Variants in CDK19 observed in about 807,000 individuals in gnomAD.
CDK19 encodes cyclin dependent kinase 19, also known as cyclin-dependent kinase 19.
A neutral mutation model predicts 68.3 loss-of-function variants in CDK19; 20 were observed. The observed-to-expected ratio is 0.29, with a 90% CI of 0.21 to 0.43. The LOEUF (loss-of-function observed/expected upper bound fraction) is 0.43, where lower values mean the gene tolerates loss of function less well. Ranked by LOEUF, CDK19 falls within the 20% of genes least tolerant of loss-of-function variation. CDK19 has a pLI of 1.00. For synonymous variants in CDK19, 221 were observed against 222.8 expected (o/e 0.99, Z 0.07); for missense variants, 339 against 623.5 (o/e 0.54, Z 4.86).
chr6:110,728,210 C>A (rs1216900951), intron 2 of CDK19, among the ~76,000 whole-genome samples: 2 of 151,554 alleles, frequency 1.3e-5, no homozygotes, highest in Non-Finnish European at 2.9e-5. Context: ...ATTGCTTGAA[C>A]CTGGGAAGCG....
At chr6:110,652,866 A>G (rs1156458091) in intron 4 of CDK19, among the ~76,000 whole-genome samples, 1 of 152,198 alleles carries the variant, frequency 6.6e-6, no homozygotes, top group Non-Finnish European at 1.5e-5. Context: ...CTCTCCATGT[A>G]AAGTCTGAGA....
chr6:110,796,744 C>G (rs1244343444), intron 1 of CDK19, among the ~76,000 whole-genome samples: 1 of 151,684 alleles, frequency 6.6e-6, no homozygotes, highest in East Asian at 2.0e-4. Flanking sequence ...CACGGTGACT[C>G]ACGCCTGTAA....
intron 2 of CDK19, among the ~76,000 whole-genome samples, chr6:110,699,424 CAAAAAAA>C (rs34728164): frequency 2.1e-5 from 2 of 93,756 alleles, no homozygotes; most frequent in Non-Finnish European, 4.2e-5. Context: ...GACTTCGTCT[CAAAAAAA>C]AAAAAAAAAA....
intron 2 of CDK19, among the ~76,000 whole-genome samples, chr6:110,695,821 A>T (rs1007722413): frequency 1.3e-5 from 2 of 152,088 alleles, no homozygotes; most frequent in Admixed American, 1.3e-4. Context: ...TGAACAGACC[A>T]ATAACAAGTA....
intron 1 of CDK19, among the ~76,000 whole-genome samples, chr6:110,798,112 T>C (rs947407471): frequency 6.6e-6 from 1 of 152,002 alleles, no homozygotes; most frequent in Non-Finnish European, 1.5e-5. Flanking sequence ...ATGAGTCAGA[T>C]GTACCGTACT....
intron 8 of CDK19, 26 bp from the exon 9 acceptor site, chr6:110,623,388 T>G: frequency 6.2e-7 from 1 of 1,606,752 alleles, no homozygotes; most frequent in Non-Finnish European, 8.5e-7. Flanking sequence ...CAGTCACACA[T>G]CACTGGGAAC....
chr6:110,813,041 G>A (rs1000068626), intron 1 of CDK19: 3 of 142,752 alleles, frequency 2.1e-5, no homozygotes, highest in Non-Finnish European at 3.0e-5. Context: ...TTCAGATCCT[G>A]AGAGGTTTTT....
In CDK19 at chr6:110,632,770, C is replaced by A. The variant is rs563197317; in HGVS notation, c.515-609G>T. 2.0e-5 allele frequency among the ~76,000 whole-genome samples: 3 copies of A among 152,238 alleles called. No homozygotes were observed. The South Asian group carries it at 6.2e-4, about 32-fold the overall frequency. ...AGATATTCTGATTTGCCTAAGGTCA[C>A]ACAGCTAGTAAGTGCAGAGGCAGAA... On this transcript the variant is annotated intron_variant, in intron 5 of 12. Transcript: ENST00000368911.
At chr6:110,727,270 C>A (rs1036645424) in intron 2 of CDK19, among the ~76,000 whole-genome samples, 1 of 151,984 alleles carries the variant, frequency 6.6e-6, no homozygotes, top group Admixed American at 6.6e-5. Flanking sequence ...TCACTAACTA[C>A]CTATTTTTCC....
intron 7 of CDK19, 51 bp from the exon 8 acceptor site, chr6:110,626,896 T>C (rs12203400): frequency 0.082 from 113,076 of 1,380,522 alleles, 5,240 homozygotes; most frequent in Middle Eastern, 0.13. Flanking sequence ...TAATTTAAAA[T>C]CTCCTAATTA....
chr6:110,672,143 G>A (rs1341984821), intron 2 of CDK19, among the ~76,000 whole-genome samples: 2 of 152,120 alleles, frequency 1.3e-5, no homozygotes, highest in African/African-American at 4.8e-5. Flanking sequence ...CACTTACACT[G>A]TGGCAAGAGA....
intron 4 of CDK19, 74 bp from the exon 5 acceptor site, chr6:110,638,780 TATC>T (rs1357344845): frequency 1.2e-4 from 100 of 812,554 alleles, no homozygotes; most frequent in Non-Finnish European, 1.7e-4. Context: ...GAAAAGTTCT[TATC>T]ATATAAAAAA....
intron 2 of CDK19, among the ~76,000 whole-genome samples, chr6:110,704,286 C>T (rs1183753014): frequency 6.6e-6 from 1 of 152,150 alleles, no homozygotes; most frequent in Non-Finnish European, 1.5e-5. Flanking sequence ...GCAACCAAAC[C>T]ATGTACTGTG....
At chr6:110,685,124 C>T (rs141646977) in intron 2 of CDK19, among the ~76,000 whole-genome samples, 1 of 152,004 alleles carries the variant, frequency 6.6e-6, no homozygotes, top group Non-Finnish European at 1.5e-5. Context: ...GGCGACACAG[C>T]GAAACTCTGT....
intron 2 of CDK19, among the ~76,000 whole-genome samples, chr6:110,702,742 G>T (rs1489051221): frequency 1.3e-5 from 2 of 152,114 alleles, no homozygotes; most frequent in East Asian, 3.8e-4. Flanking sequence ...AGATGGAAAA[G>T]AATATATATA....
At chr6:110,758,102 G>C (rs1778953229) in intron 1 of CDK19, among the ~76,000 whole-genome samples, 1 of 152,086 alleles carries the variant, frequency 6.6e-6, no homozygotes, top group African/African-American at 2.4e-5. Context: ...TGAGGTTGGG[G>C]ACCGCTTGAG....
At chr6:110,657,917 T>A (rs1359774862) in intron 4 of CDK19, among the ~76,000 whole-genome samples, 1 of 152,200 alleles carries the variant, frequency 6.6e-6, no homozygotes, top group East Asian at 1.9e-4. Flanking sequence ...TGGTGAAGCA[T>A]TAATTCAAAC....
intron 1 of CDK19, among the ~76,000 whole-genome samples, chr6:110,780,812 A>C (rs1447564588): frequency 6.6e-6 from 1 of 152,048 alleles, no homozygotes; most frequent in Non-Finnish European, 1.5e-5. Flanking sequence ...TCATCTCTGG[A>C]AGATTTCCCA....
At chr6:110,798,438 A>G (rs1782102374) in intron 1 of CDK19, among the ~76,000 whole-genome samples, 1 of 152,048 alleles carries the variant, frequency 6.6e-6, no homozygotes, top group African/African-American at 2.4e-5. Context: ...CAGCCTGGCC[A>G]ACATGGTGAA....
Sources: allele counts gnomAD v4.1 joint callset (sites outside exome capture counted in the v4.1 genomes callset), GRCh38; gene constraint gnomAD v4.1.1; transcripts MANE v1.5; gene names NCBI Gene and HGNC (gene_info 2026-07-23, HGNC 2026-07-21).